Variants in DPP6 observed in about 807,000 individuals in gnomAD.
DPP6 encodes A-type potassium channel modulatory protein DPP6.
Under a neutral mutation model 122.6 loss-of-function variants are expected in DPP6, and 69 were observed. The observed-to-expected ratio is 0.56, with a 90% confidence interval of 0.46 to 0.69. The LOEUF (loss-of-function observed/expected upper bound fraction) is 0.69. Ranked by LOEUF, DPP6 falls within the 30% of genes least tolerant of loss-of-function variation. The pLI, the probability that DPP6 is intolerant of heterozygous loss-of-function variation, is 0.00. For synonymous variants in DPP6, 418 were observed against 433.1 expected, an observed-to-expected ratio of 0.97 and a Z score of 0.43; for missense variants, 928 against 1,116.9, an observed-to-expected ratio of 0.83 and a Z score of 2.41.
At chr7:154,868,176 G>C in intron 18 of DPP6, 83 bp downstream of exon 18, 2 of 1,509,378 alleles carry the variant, frequency 1.3e-6, no homozygotes, top group Non-Finnish European at 1.8e-6. Context: ...AGCAGCAGGT[G>C]CCCTGCAAGG....
At chr7:154,216,414 A>C (rs1341439979) in intron 1 of DPP6, among the ~76,000 whole-genome samples, 1 of 152,102 alleles carries the variant, frequency 6.6e-6, no homozygotes, top group Non-Finnish European at 1.5e-5. Flanking sequence ...TAACATAGGG[A>C]TTTGGAAGAT....
chr7:154,593,771 G>A (rs78303041), intron 5 of DPP6, among the ~76,000 whole-genome samples: 7,755 of 152,230 alleles, frequency 0.051, 670 homozygotes, highest in African/African-American at 0.17. Context: ...ACTCGGGGGA[G>A]CTCAAACAGA....
At chr7:153,776,101 T>C in the DPP6 span, among the ~76,000 whole-genome samples, 33 of 152,206 alleles carry the variant, frequency 2.2e-4, no homozygotes, top group African/African-American at 7.9e-4. Context: ...GGAACTAAAA[T>C]AACTACCCAC....
chr7:154,249,960 C>T (rs1044897836), intron 1 of DPP6, among the ~76,000 whole-genome samples: 76 of 152,248 alleles, frequency 5.0e-4, no homozygotes, highest in African/African-American at 1.4e-3. Context: ...GTACCACACC[C>T]GGGGCCTGGT....
At chr7:154,768,020 C>T (rs772930066) in intron 8 of DPP6, among the ~76,000 whole-genome samples, 2 of 152,334 alleles carry the variant, frequency 1.3e-5, no homozygotes, top group Non-Finnish European at 1.5e-5. Flanking sequence ...CAGGGAGGGG[C>T]AGGGCATGCA....
At chr7:153,773,944 T>G in the DPP6 span, among the ~76,000 whole-genome samples, 1 of 150,834 alleles carries the variant, frequency 6.6e-6, no homozygotes, top group African/African-American at 2.4e-5. Flanking sequence ...TCAATAAAAT[T>G]GATAAACCTG....
chr7:153,852,556 C>G, the DPP6 span, among the ~76,000 whole-genome samples: 1 of 152,036 alleles, frequency 6.6e-6, no homozygotes, highest in Non-Finnish European at 1.5e-5. Flanking sequence ...CAATCAACTC[C>G]CACCAGGCCC....
intron 1 of DPP6, among the ~76,000 whole-genome samples, chr7:154,008,415 A>G (rs1300770389): frequency 1.3e-5 from 2 of 152,284 alleles, no homozygotes; most frequent in African/African-American, 4.8e-5. Context: ...AGCATGCTGT[A>G]TTACCACAGG....
At chr7:153,871,948 G>T in the DPP6 span, among the ~76,000 whole-genome samples, 1 of 152,170 alleles carries the variant, frequency 6.6e-6, no homozygotes, top group Non-Finnish European at 1.5e-5. Context: ...TGCGAATATG[G>T]ACTGCAGGGT....
intron 16 of DPP6, among the ~76,000 whole-genome samples, chr7:154,818,094 G>A (rs891357649): frequency 1.3e-5 from 2 of 152,110 alleles, no homozygotes; most frequent in African/African-American, 2.4e-5. Flanking sequence ...AGGTGAAGGG[G>A]CTTATTTTTT....
At chr7:154,149,195 C>T (rs1796280151) in intron 1 of DPP6, among the ~76,000 whole-genome samples, 1 of 152,396 alleles carries the variant, frequency 6.6e-6, no homozygotes, top group East Asian at 1.9e-4. Context: ...ACACAGGCTC[C>T]AGCTGTCAGC....
At chr7:154,002,136 G>C (rs1200496325) in intron 1 of DPP6, among the ~76,000 whole-genome samples, 1 of 152,182 alleles carries the variant, frequency 6.6e-6, no homozygotes, top group Non-Finnish European at 1.5e-5. Context: ...CAGTTTAAGA[G>C]GAGGAAACAG....
chr7:154,804,151 G>A (rs922243513), intron 14 of DPP6, among the ~76,000 whole-genome samples, 196 bp downstream of exon 14: 14 of 152,178 alleles, frequency 9.2e-5, no homozygotes, highest in African/African-American at 2.9e-4. Flanking sequence ...CCAGAGCTGC[G>A]GCGTCCTGAG....
intron 1 of DPP6, among the ~76,000 whole-genome samples, chr7:154,409,946 C>G (rs1816459334): frequency 6.6e-6 from 1 of 152,102 alleles, no homozygotes; most frequent in Non-Finnish European, 1.5e-5. Context: ...TATTGTGTGC[C>G]AGGAAAGACA....
At chr7:154,382,980 G>A (rs1201436909) in intron 1 of DPP6, among the ~76,000 whole-genome samples, 1 of 152,146 alleles carries the variant, frequency 6.6e-6, no homozygotes, top group Non-Finnish European at 1.5e-5. Context: ...GCCCGCCTTG[G>A]CCTCCCAAAA....
At chr7:154,321,986 A>C (rs1038029686) in intron 1 of DPP6, among the ~76,000 whole-genome samples, 1 of 151,706 alleles carries the variant, frequency 6.6e-6, no homozygotes, top group Non-Finnish European at 1.5e-5. Context: ...TCCTGTGGGC[A>C]CTCTATTGCC....
At chr7:154,453,408 C>T (rs58804844) in intron 2 of DPP6, among the ~76,000 whole-genome samples, 2,320 of 152,194 alleles carry the variant, frequency 0.015, 56 homozygotes, top group African/African-American at 0.052. Flanking sequence ...ATTAAAATGT[C>T]ATCACTGTTT....
At chr7:153,994,496 G>T (rs1335991746) in intron 1 of DPP6, among the ~76,000 whole-genome samples, 1 of 151,988 alleles carries the variant, frequency 6.6e-6, no homozygotes, top group African/African-American at 2.4e-5. Context: ...CTGGTTAGCA[G>T]GGTCTAGAAA....
intron 3 of DPP6, among the ~76,000 whole-genome samples, chr7:154,514,876 T>C (rs1004926671): frequency 1.3e-5 from 2 of 152,250 alleles, no homozygotes; most frequent in African/African-American, 4.8e-5. Flanking sequence ...TTCGAGTCTC[T>C]GTTTTCACTT....
Sources: allele counts gnomAD v4.1 joint callset (sites outside exome capture counted in the v4.1 genomes callset), GRCh38; gene constraint gnomAD v4.1.1; transcripts MANE v1.5; gene names NCBI Gene and HGNC (gene_info 2026-07-23, HGNC 2026-07-21).